The following ULK4 variants were observed in gnomAD, a reference collection of about 807,000 sequenced individuals.
The protein encoded by ULK4 is inactive serine/threonine-protein kinase ULK4.
In ULK4, 133 loss-of-function variants were observed where a neutral mutation model predicts 160.6. That is an observed-to-expected ratio of 0.83 (90% confidence interval 0.72 to 0.96). The LOEUF (loss-of-function observed/expected upper bound fraction) is 0.96, where lower values mean the gene tolerates loss of function less well. Ranked by LOEUF, ULK4 falls within the 40% of genes least tolerant of loss-of-function variation. The probability of loss-of-function intolerance (pLI) is 0.00; values close to 1 mark genes in which losing one functional copy is unlikely to be tolerated. For synonymous variants in ULK4, 534 were observed against 539.8 expected (o/e 0.99, Z 0.15); for missense variants, 1,580 against 1,499.5 (o/e 1.05, Z -0.89).
At chr3:41,491,111 A>G (rs772857997) in intron 32 of ULK4, among the ~76,000 whole-genome samples, 5 of 152,228 alleles carry the variant, frequency 3.3e-5, no homozygotes, top group Non-Finnish European at 5.9e-5. Flanking sequence ...TATGTGAATA[A>G]ATACTTAAAA....
chr3:41,428,071 T>A (rs1360333757), intron 34 of ULK4, among the ~76,000 whole-genome samples: 1 of 152,118 alleles, frequency 6.6e-6, no homozygotes, highest in Non-Finnish European at 1.5e-5. Flanking sequence ...TCAGCAAAGC[T>A]TCAGGACACA....
intron 18 of ULK4, among the ~76,000 whole-genome samples, chr3:41,825,209 G>A (rs1231709493): frequency 1.1e-5 from 1 of 87,310 alleles, no homozygotes; most frequent in Non-Finnish European, 2.1e-5. Flanking sequence ...CCACAAAGAT[G>A]GAAAAAACAG....
intron 34 of ULK4, among the ~76,000 whole-genome samples, chr3:41,445,293 A>C (rs1303356133): frequency 2.0e-5 from 3 of 152,204 alleles, no homozygotes; most frequent in Non-Finnish European, 4.4e-5. Flanking sequence ...AAATGGCCAT[A>C]CTGCCCAAGG....
chr3:41,926,610 T>C (rs575559980), intron 5 of ULK4, among the ~76,000 whole-genome samples: 2 of 152,244 alleles, frequency 1.3e-5, no homozygotes, highest in South Asian at 4.1e-4. Context: ...GAAAAAAGGT[T>C]AGAGGAATTG....
intron 14 of ULK4, among the ~76,000 whole-genome samples, chr3:41,898,034 C>A (rs1698226912): frequency 6.6e-6 from 1 of 152,166 alleles, no homozygotes; most frequent in Non-Finnish European, 1.5e-5. Flanking sequence ...TAGTCCCATT[C>A]TCAAATGTCC....
intron 32 of ULK4, among the ~76,000 whole-genome samples, chr3:41,547,125 T>C (rs2086891260): frequency 3.3e-5 from 5 of 152,162 alleles, no homozygotes; most frequent in Admixed American, 2.6e-4. Flanking sequence ...AGGAGCACAT[T>C]ATAAATCATG....
intron 35 of ULK4, among the ~76,000 whole-genome samples, chr3:41,311,849 G>A (rs2080055074): frequency 1.3e-5 from 2 of 148,432 alleles, no homozygotes; most frequent in Non-Finnish European, 3.0e-5. Flanking sequence ...TTACAGGCAT[G>A]AACCACTGCA....
chr3:41,452,243 G>C (rs991673020), intron 34 of ULK4, among the ~76,000 whole-genome samples: 1 of 152,152 alleles, frequency 6.6e-6, no homozygotes, highest in Non-Finnish European at 1.5e-5. Context: ...GGCCACTCCA[G>C]GGTAGAGAAT....
intron 34 of ULK4, among the ~76,000 whole-genome samples, chr3:41,435,951 CATAAATAA>C (rs58982909): frequency 0.53 from 79,716 of 150,162 alleles, 21,557 homozygotes; most frequent in East Asian, 0.69. Context: ...CCGTCTCATT[CATAAATAA>C]ATAAATAAAT....
chr3:41,427,501 C>T (rs919472658), intron 34 of ULK4, among the ~76,000 whole-genome samples: 5 of 152,292 alleles, frequency 3.3e-5, no homozygotes, highest in South Asian at 2.1e-4. Flanking sequence ...CCCTGATGAA[C>T]ATCAATGCAA....
In ULK4 at chr3:41,935,111, A is replaced by T. The variant is rs1559660738; in HGVS notation, c.378+690T>A. ...GCTCACTGCAACCTCTGCCTCCCGGATTCAAGCAATTCTCCCTGCCTCGGC... is the reference window on the plus strand; with the variant it reads ...GCTCACTGCAACCTCTGCCTCCCGGTTTCAAGCAATTCTCCCTGCCTCGGC... On this transcript the variant is annotated intron_variant, in intron 4 of 36. Transcript: ENST00000301831. 2.8e-5 allele frequency among the ~76,000 whole-genome samples: 4 copies of T among 142,134 alleles called. No individual in the cohort carries two copies. The South Asian group carries it at 8.8e-4, about 31-fold the overall frequency. 93.2% of individuals were successfully genotyped at this position (142,134 alleles called of 152,430 possible). A position where few individuals can be genotyped will look rare whatever the true frequency, so the allele number is the denominator to read the frequency against.
intron 17 of ULK4, among the ~76,000 whole-genome samples, chr3:41,882,548 C>T (rs529400766): frequency 6.6e-6 from 1 of 152,298 alleles, no homozygotes; most frequent in South Asian, 2.1e-4. Context: ...TTTCTGAATC[C>T]TAAGAGAATT....
chr3:41,438,229 T>C (rs2083080747), intron 34 of ULK4, among the ~76,000 whole-genome samples: 1 of 152,190 alleles, frequency 6.6e-6, no homozygotes, highest in Non-Finnish European at 1.5e-5. Context: ...CACTTCTTTT[T>C]GTACATTTTA....
chr3:41,934,474 G>C (rs1303847934), intron 4 of ULK4, among the ~76,000 whole-genome samples: 1 of 152,118 alleles, frequency 6.6e-6, no homozygotes, highest in African/African-American at 2.4e-5. Flanking sequence ...TTCCTCAGAG[G>C]ATGTACTTAT....
chr3:41,374,893 GTCTCAGC>G (rs2081449523), intron 35 of ULK4, among the ~76,000 whole-genome samples: 2 of 152,128 alleles, frequency 1.3e-5, no homozygotes, highest in Non-Finnish European at 2.9e-5. Context: ...AAACTTCATC[GTCTCAGC>G]TCAAAAACTC....
Position 41,574,934 on chromosome 3 carries a change from G to A in ULK4, c.3121-8804C>T, listed in dbSNP as rs1055578069. On this transcript the variant is annotated intron_variant, in intron 31 of 36. Coordinates refer to ENST00000301831, the MANE Select transcript of ULK4 (RefSeq NM_017886.4). ...GCTGTAGGCCAACACAGGAAACACT[G>A]GTTCACGTAGGCCCAAGGTCATGGC... is the stretch of plus-strand genomic sequence containing the variant. Among the ~76,000 whole-genome samples, 3 of 132,546 alleles carry A rather than the reference G, an allele frequency of 2.3e-5. No homozygotes were observed. In the South Asian group the frequency reaches 7.0e-4, roughly 31 times the overall value. The allele number at this position is 132,546 out of a possible 152,430, so 87.0% of individuals were successfully genotyped here.
chr3:41,455,594 G>T lies in ULK4; in HGVS notation c.3395C>A (p.Ala1132Asp). 4 of 1,613,626 alleles carry T rather than the reference G, an allele frequency of 2.5e-6. No individual in the cohort carries two copies. The highest frequency in any genetic ancestry group is 3.4e-6 in the Non-Finnish European group (4 of 1,179,842). ...GTCCTCTCCTGAGCCAGACTTCTGG[G>T]CCTGGAACAGAGAGAAGAGAAATGA... ...TSGIVRLALQAQKSGSGEDPQ... is the reference protein window; with the variant it reads ...TSGIVRLALQDQKSGSGEDPQ... The change falls in exon 34 of 37, where the codon GCC becomes GAC. Residue 1132 changes from alanine to aspartate, a missense_variant and splice_region_variant. By Grantham distance (126) the Ala-to-Asp change is moderately radical (BLOSUM62 -2). Transcript: ENST00000301831.
intron 16 of ULK4, among the ~76,000 whole-genome samples, chr3:41,886,451 CA>C (rs1389471714): frequency 1.3e-5 from 2 of 151,828 alleles, no homozygotes; most frequent in Non-Finnish European, 2.9e-5. Flanking sequence ...TAAGGCTGTA[CA>C]AGGCAAACAA....
intron 2 of ULK4, among the ~76,000 whole-genome samples, chr3:41,947,094 G>A (rs896768202): frequency 1.3e-5 from 2 of 152,196 alleles, no homozygotes; most frequent in East Asian, 3.9e-4. Flanking sequence ...TTGGGAGGCC[G>A]AGGCGGGAGG....
Sources: allele counts gnomAD v4.1 joint callset (sites outside exome capture counted in the v4.1 genomes callset), GRCh38; gene constraint gnomAD v4.1.1; transcripts MANE v1.5; gene names NCBI Gene and HGNC (gene_info 2026-07-23, HGNC 2026-07-21).